FRMD6: variants seen among roughly 807,000 people sequenced by gnomAD.
The protein encoded by FRMD6 is FERM domain-containing protein 6.
FRMD6 carries 37 observed loss-of-function variants against 73.2 expected under a neutral mutation model. The observed-to-expected ratio is 0.51, with a 90% CI of 0.39 to 0.66. The LOEUF (loss-of-function observed/expected upper bound fraction) is 0.66. Ranked by LOEUF, FRMD6 falls within the 30% of genes least tolerant of loss-of-function variation. The pLI, the probability that FRMD6 is intolerant of heterozygous loss-of-function variation, is 0.00. For missense variants in FRMD6, 714 were observed against 780.5 expected, an observed-to-expected ratio of 0.91 and a Z score of 1.02; for synonymous variants, 273 against 282.2, an observed-to-expected ratio of 0.97 and a Z score of 0.33.
intron 1 of FRMD6, among the ~76,000 whole-genome samples, chr14:51,669,881 C>G (rs1893874464): frequency 6.7e-6 from 1 of 149,378 alleles, no homozygotes; most frequent in South Asian, 2.1e-4. Flanking sequence ...TTTTAATGCC[C>G]TAAGAAAACC....
At chr14:51,692,391 A>T (rs1311947063) in intron 2 of FRMD6, among the ~76,000 whole-genome samples, 3 of 152,184 alleles carry the variant, frequency 2.0e-5, no homozygotes, top group East Asian at 3.8e-4. Context: ...AATAATTTTT[A>T]AAAATATACA....
chr14:51,513,249 C>T (rs370335115), intron 1 of FRMD6, among the ~76,000 whole-genome samples: 1 of 152,180 alleles, frequency 6.6e-6, no homozygotes, highest in African/African-American at 2.4e-5. Flanking sequence ...TGATCCAAGT[C>T]CTAACTGAAA....
At chr14:51,691,690 C>T (rs1895590017) in intron 2 of FRMD6, among the ~76,000 whole-genome samples, 1 of 144,112 alleles carries the variant, frequency 6.9e-6, no homozygotes, top group African/African-American at 2.6e-5. Context: ...TGCCTTCCAG[C>T]TTCAAGCGAT....
chr14:51,721,388 G>A (rs151044117), intron 11 of FRMD6, among the ~76,000 whole-genome samples: 1,763 of 152,314 alleles, frequency 0.012, 31 homozygotes, highest in African/African-American at 0.04. Flanking sequence ...AAGGCAGGCG[G>A]ATCACGAGGT....
chr14:51,431,058 T>G, the FRMD6 span, among the ~76,000 whole-genome samples: 1 of 152,232 alleles, frequency 6.6e-6, no homozygotes, highest in South Asian at 2.1e-4. Context: ...CTCTCTGTTT[T>G]TAGACAATTG....
intron 2 of FRMD6, among the ~76,000 whole-genome samples, chr14:51,608,401 TA>T (rs1414176537): frequency 2.6e-5 from 4 of 152,216 alleles, no homozygotes; most frequent in Non-Finnish European, 4.4e-5. Context: ...GCTGTAGTAG[TA>T]ATTACAACTT....
At chr14:51,723,989 G>C (rs896968466) in intron 12 of FRMD6, 1 of 151,994 alleles carries the variant, frequency 6.6e-6, no homozygotes, top group Non-Finnish European at 1.5e-5. Context: ...CCTTTTATTT[G>C]GATGTTAGGG....
At chr14:51,683,184 T>C (rs1483559273) in intron 1 of FRMD6, among the ~76,000 whole-genome samples, 1 of 152,232 alleles carries the variant, frequency 6.6e-6, no homozygotes, top group Non-Finnish European at 1.5e-5. Flanking sequence ...TACATCTGGC[T>C]CCGAGGCCTA....
At chr14:51,696,421 G>A (rs947945366) in intron 2 of FRMD6, among the ~76,000 whole-genome samples, 2 of 150,780 alleles carry the variant, frequency 1.3e-5, no homozygotes, top group African/African-American at 4.9e-5. Context: ...ATTTGTATGA[G>A]TTATTATTTA....
At chr14:51,493,279 T>C (rs1309064304) in intron 1 of FRMD6, among the ~76,000 whole-genome samples, 1 of 152,240 alleles carries the variant, frequency 6.6e-6, no homozygotes, top group Non-Finnish European at 1.5e-5. Flanking sequence ...TCTAACACAA[T>C]TTTATTTCAT....
chr14:51,481,260 A>G, the FRMD6 span, among the ~76,000 whole-genome samples: 2 of 152,200 alleles, frequency 1.3e-5, no homozygotes, highest in Non-Finnish European at 2.9e-5. Flanking sequence ...TTAAAAGAAA[A>G]AAGAGGTTTA....
chr14:51,582,431 T>C (rs1397601072), intron 2 of FRMD6, among the ~76,000 whole-genome samples: 1 of 152,166 alleles, frequency 6.6e-6, no homozygotes, highest in Non-Finnish European at 1.5e-5. Context: ...CTTTGGAGTT[T>C]TGCTGTATTT....
chr14:51,402,847 C>T, the FRMD6 span, among the ~76,000 whole-genome samples: 1 of 152,066 alleles, frequency 6.6e-6, no homozygotes, highest in East Asian at 1.9e-4. Context: ...ACCCTGTTAG[C>T]CAGGATGGTC....
At chr14:51,718,419 C>G (rs1897350100) in intron 10 of FRMD6, among the ~76,000 whole-genome samples, 1 of 152,230 alleles carries the variant, frequency 6.6e-6, no homozygotes, top group Non-Finnish European at 1.5e-5. Flanking sequence ...ATTAGGTCCA[C>G]AGTTCCTAAT....
the FRMD6 span, among the ~76,000 whole-genome samples, chr14:51,435,402 G>A: frequency 4.9e-4 from 72 of 146,470 alleles, no homozygotes; most frequent in Middle Eastern, 7.0e-3. Context: ...GCAACATGGC[G>A]AAATCCCATC....
chr14:51,457,914 A>G, the FRMD6 span, among the ~76,000 whole-genome samples: 5 of 152,208 alleles, frequency 3.3e-5, no homozygotes, highest in Non-Finnish European at 7.3e-5. Context: ...CATGGATCAA[A>G]TCATTAATAT....
At chr14:51,629,346 C>G (rs530633685) in intron 2 of FRMD6, among the ~76,000 whole-genome samples, 1 of 152,304 alleles carries the variant, frequency 6.6e-6, no homozygotes, top group Admixed American at 6.5e-5. Context: ...ACATACATGT[C>G]TTGGTGCCAA....
At chr14:51,632,799 T>G (rs1044241105) in intron 2 of FRMD6, among the ~76,000 whole-genome samples, 1 of 152,228 alleles carries the variant, frequency 6.6e-6, no homozygotes, top group African/African-American at 2.4e-5. Context: ...AATGGCAGTT[T>G]CAGGTAAAAG....
At chr14:51,723,023 C>T (rs7146420) in intron 12 of FRMD6, among the ~76,000 whole-genome samples, 43,341 of 152,066 alleles carry the variant, frequency 0.29, 6,629 homozygotes, top group African/African-American at 0.39. Context: ...GAATTCTGTT[C>T]GCTAACCCAA....
Sources: gnomAD v4.1 joint callset for allele counts (sites outside exome capture counted in the v4.1 genomes callset) on GRCh38, gnomAD v4.1.1 for gene constraint, MANE v1.5 for transcripts, NCBI Gene and HGNC (gene_info 2026-07-23, HGNC 2026-07-21) for gene names.